SOS2: variants seen among roughly 807,000 people sequenced by gnomAD.
The protein encoded by SOS2 is son of sevenless homolog 2.
SOS2 carries 65 observed loss-of-function variants against 148.2 expected under a neutral mutation model. The observed-to-expected ratio is 0.44, with a 90% CI of 0.36 to 0.54. SOS2 has a LOEUF of 0.54. Ranked by LOEUF, SOS2 falls within the 20% of genes least tolerant of loss-of-function variation. SOS2 has a pLI of 0.00. For missense variants in SOS2, 1,341 were observed against 1,590.2 expected, an observed-to-expected ratio of 0.84 and a Z score of 2.67; for synonymous variants, 539 against 537.1, an observed-to-expected ratio of 1.00 and a Z score of -0.05.
chr14:50,176,192 C>T lies in SOS2; in HGVS notation c.970-1640G>A, dbSNP rs879901576. ...CAACAAGAAAGCACCATCTATGAAC[C>T]AGAAGAGCAAACCCTCACTAGGGCA... On this transcript the variant is annotated intron_variant, in intron 7 of 22. Coordinates refer to ENST00000216373, the MANE Select transcript of SOS2 (RefSeq NM_006939.4). 3.9e-5 allele frequency among the ~76,000 whole-genome samples: 6 copies of T among 152,290 alleles called. No individual in the cohort carries two copies. The South Asian group carries it at 1.0e-3, about 26-fold the overall frequency.
intron 1 of SOS2, among the ~76,000 whole-genome samples, chr14:50,220,483 A>C (rs1323265999): frequency 6.6e-6 from 1 of 151,696 alleles, no homozygotes; most frequent in African/African-American, 2.4e-5. Context: ...TCACAGCAGC[A>C]AACAGATCTC....
intron 4 of SOS2, among the ~76,000 whole-genome samples, chr14:50,197,986 C>A (rs1235473916): frequency 6.7e-6 from 1 of 148,228 alleles, no homozygotes; most frequent in East Asian, 2.0e-4. Context: ...CACCACCTGG[C>A]CTGCTTTGCC....
chr14:50,215,747 T>C (rs1887025119), intron 1 of SOS2, among the ~76,000 whole-genome samples: 1 of 152,086 alleles, frequency 6.6e-6, no homozygotes, highest in South Asian at 2.1e-4. Context: ...AAAAACAAAA[T>C]AGTCTCATAC....
intron 12 of SOS2, among the ~76,000 whole-genome samples, chr14:50,154,040 T>A (rs924782768): frequency 4.0e-5 from 6 of 151,190 alleles, no homozygotes; most frequent in African/African-American, 1.5e-4. Flanking sequence ...CAAAGAGAGA[T>A]TTAATCAACT....
intron 8 of SOS2, among the ~76,000 whole-genome samples, chr14:50,172,806 C>A (rs1885409720): frequency 6.6e-6 from 1 of 152,102 alleles, no homozygotes; most frequent in Non-Finnish European, 1.5e-5. Flanking sequence ...TTCCCTTGAT[C>A]TTTTAAAGGC....
intron 12 of SOS2, chr14:50,155,934 C>A (rs992429830): frequency 6.6e-6 from 1 of 152,018 alleles, no homozygotes; most frequent in Admixed American, 6.6e-5. Flanking sequence ...CATAAATAAT[C>A]TCATCTTCTT....
chr14:50,216,722 G>A (rs1388840534), intron 1 of SOS2, among the ~76,000 whole-genome samples: 1 of 151,926 alleles, frequency 6.6e-6, no homozygotes, highest in Non-Finnish European at 1.5e-5. Flanking sequence ...GTGACAGAGT[G>A]AGACTCAATA....
chr14:50,152,727 G>C (rs1049224465), intron 13 of SOS2, among the ~76,000 whole-genome samples: 1 of 152,190 alleles, frequency 6.6e-6, no homozygotes, highest in Non-Finnish European at 1.5e-5. Context: ...AGCTGAGGCA[G>C]GTGGATCATC....
intron 16 of SOS2, among the ~76,000 whole-genome samples, chr14:50,143,987 A>G (rs549831651): frequency 4.6e-5 from 7 of 151,892 alleles, no homozygotes; most frequent in African/African-American, 7.3e-5. Flanking sequence ...ACATAATACC[A>G]AGGGGCATTT....
chr14:50,156,877 T>C (rs571268390), intron 12 of SOS2, 122 bp downstream of exon 12: 4 of 491,222 alleles, frequency 8.1e-6, no homozygotes, highest in South Asian at 4.0e-5. Context: ...ATATTCCCTA[T>C]ATTTGAATTA....
intron 8 of SOS2, among the ~76,000 whole-genome samples, chr14:50,173,822 C>A (rs1029950136): frequency 6.6e-6 from 1 of 152,098 alleles, no homozygotes; most frequent in African/African-American, 2.4e-5. Context: ...ATGCTGGCTT[C>A]ATATGAATAA....
chr14:50,221,458 T>C (rs1174464879), intron 1 of SOS2, among the ~76,000 whole-genome samples: 3 of 152,212 alleles, frequency 2.0e-5, no homozygotes, highest in Admixed American at 2.0e-4. Context: ...AGTTGCCCTC[T>C]CATTTTACTA....
At chr14:50,144,723 C>A (rs1884411214) in intron 16 of SOS2, among the ~76,000 whole-genome samples, 1 of 152,114 alleles carries the variant, frequency 6.6e-6, no homozygotes, top group South Asian at 2.1e-4. Flanking sequence ...CAGGCGTGAG[C>A]CACCACGCCT....
intron 1 of SOS2, among the ~76,000 whole-genome samples, chr14:50,218,862 C>A (rs905616293): frequency 2.0e-5 from 3 of 152,130 alleles, no homozygotes; most frequent in Admixed American, 6.6e-5. Context: ...TGGCTATAAT[C>A]CCAGCACGTT....
intron 8 of SOS2, among the ~76,000 whole-genome samples, chr14:50,168,428 C>T (rs1885236404): frequency 6.6e-6 from 1 of 152,118 alleles, no homozygotes; most frequent in Non-Finnish European, 1.5e-5. Context: ...CACTATATTG[C>T]CCAGGCTGGT....
At chr14:50,180,706 G>T in intron 6 of SOS2, 24 bp from the exon 7 acceptor site, 1 of 1,285,534 alleles carries the variant, frequency 7.8e-7, no homozygotes. Context: ...AAGAGAAAAA[G>T]CATTAGGTTT....
At chr14:50,214,594 T>C (rs750776247) in intron 1 of SOS2, among the ~76,000 whole-genome samples, 1 of 152,116 alleles carries the variant, frequency 6.6e-6, no homozygotes, top group Non-Finnish European at 1.5e-5. Context: ...GGAGGATTCC[T>C]TGGGCCGAGG....
At chr14:50,134,278 G>C in intron 18 of SOS2, 39 bp from the exon 19 acceptor site, 1 of 903,204 alleles carries the variant, frequency 1.1e-6, no homozygotes, top group Non-Finnish European at 1.8e-6. Context: ...TATATAGTAA[G>C]TATATATTTT....
chr14:50,138,407 C>T lies in SOS2; in HGVS notation c.2958+205G>A, dbSNP rs186133510. On this transcript the variant is annotated intron_variant, in intron 18 of 22. Transcript: ENST00000216373. ...AACTCCTGATCTCAAGCGATCCGCC[C>T]GCCTTGGCCTCCCAAAGTGCTGGGA... 3.6e-3 allele frequency among the ~76,000 whole-genome samples: 548 copies of T among 152,196 alleles called. 4 individuals are homozygous for T. The highest frequency in any genetic ancestry group is 0.013 in the African/African-American group (524 of 41,516).
Sources: allele counts gnomAD v4.1 joint callset (sites outside exome capture counted in the v4.1 genomes callset), GRCh38; gene constraint gnomAD v4.1.1; transcripts MANE v1.5; gene names NCBI Gene and HGNC (gene_info 2026-07-23, HGNC 2026-07-21).